Variants in EPHA6 observed in about 807,000 individuals in gnomAD.
The protein encoded by EPHA6 is ephrin type-A receptor 6.
EPHA6 carries 50 observed loss-of-function variants against 112.0 expected under a neutral mutation model. That is an observed-to-expected ratio of 0.45 (90% CI 0.36 to 0.56). The LOEUF (loss-of-function observed/expected upper bound fraction) is 0.56, where lower values mean the gene tolerates loss of function less well. Ranked by LOEUF, EPHA6 falls within the 20% of genes least tolerant of loss-of-function variation. The probability of loss-of-function intolerance (pLI) is 0.00; values close to 1 mark genes in which losing one functional copy is unlikely to be tolerated. For synonymous variants in EPHA6, 529 were observed against 490.7 expected, an observed-to-expected ratio of 1.08 and a Z score of -1.03; for missense variants, 1,280 against 1,417.4, an observed-to-expected ratio of 0.90 and a Z score of 1.56.
chr3:97,614,508 T>A (rs900458245), intron 13 of EPHA6, among the ~76,000 whole-genome samples: 10 of 144,100 alleles, frequency 6.9e-5, no homozygotes, highest in South Asian at 2.2e-4. Context: ...CTAATTTTTT[T>A]TTTTTTTTTT....
intron 3 of EPHA6, among the ~76,000 whole-genome samples, chr3:97,221,550 G>A (rs2078201237): frequency 6.6e-6 from 1 of 152,044 alleles, no homozygotes; most frequent in Non-Finnish European, 1.5e-5. Flanking sequence ...TAGTAGAGAA[G>A]GAAAGAATAT....
chr3:97,713,149 T>C (rs544435955), intron 14 of EPHA6, among the ~76,000 whole-genome samples: 1 of 152,224 alleles, frequency 6.6e-6, no homozygotes, highest in African/African-American at 2.4e-5. Context: ...GTCAAGTGTG[T>C]CTGATGAAAG....
At chr3:97,472,899 G>A (rs1177317113) in intron 7 of EPHA6, among the ~76,000 whole-genome samples, 1 of 151,720 alleles carries the variant, frequency 6.6e-6, no homozygotes, top group Non-Finnish European at 1.5e-5. Flanking sequence ...TTGGAGATCG[G>A]CAAAAAGAAG....
chr3:97,737,470 G>A (rs7621047), intron 16 of EPHA6, among the ~76,000 whole-genome samples: 149,377 of 152,148 alleles, frequency 0.98, 73,350 homozygotes, highest in East Asian at 0.99. Flanking sequence ...TAATAATAAC[G>A]TTTATTATTA....
chr3:97,140,654 C>G (rs1253505960), intron 3 of EPHA6, among the ~76,000 whole-genome samples: 1 of 152,146 alleles, frequency 6.6e-6, no homozygotes, highest in African/African-American at 2.4e-5. Context: ...CACTACTAGA[C>G]TGGCACTACA....
intron 5 of EPHA6, among the ~76,000 whole-genome samples, chr3:97,265,917 C>T (rs2108629762): frequency 6.6e-6 from 1 of 152,322 alleles, no homozygotes; most frequent in African/African-American, 2.4e-5. Flanking sequence ...TTTATAAAAG[C>T]AGGCATTGGG....
intron 6 of EPHA6, among the ~76,000 whole-genome samples, chr3:97,434,544 G>C (rs1577394470): frequency 6.6e-6 from 1 of 152,076 alleles, no homozygotes; most frequent in East Asian, 1.9e-4. Context: ...AATAGCATCA[G>C]CCAATCTAGT....
At chr3:97,321,035 G>A (rs933716910) in intron 5 of EPHA6, among the ~76,000 whole-genome samples, 4 of 151,684 alleles carry the variant, frequency 2.6e-5, no homozygotes, top group Admixed American at 6.6e-5. Context: ...ATTTTTTTCT[G>A]TCTTTATTTT....
intron 1 of EPHA6, among the ~76,000 whole-genome samples, chr3:96,860,110 A>T (rs2035925437): frequency 6.6e-6 from 1 of 152,134 alleles, no homozygotes; most frequent in African/African-American, 2.4e-5. Flanking sequence ...AGACTTAAGA[A>T]ATGTTTGTTG....
chr3:97,389,117 A>C (rs1237349644), intron 5 of EPHA6, among the ~76,000 whole-genome samples: 1 of 152,200 alleles, frequency 6.6e-6, no homozygotes, highest in Non-Finnish European at 1.5e-5. Flanking sequence ...CATACAAATT[A>C]GTATATAAAT....
rs563624763 is a variant in EPHA6, at chr3:97,299,232, T to C, written c.1606+54945T>C. ...GTGTGTAGGGGGGAGTGTGTGTGTG[T>C]GTGTGTAGTGGGGAGTGTGTGTGTG... On this transcript the variant is annotated intron_variant, in intron 5 of 17. Transcript: ENST00000389672. 2.6e-5 allele frequency among the ~76,000 whole-genome samples: 4 copies of C among 151,676 alleles called. No homozygotes were observed. The East Asian group carries it at 5.8e-4, about 22-fold the overall frequency.
At chr3:97,371,791 A>T (rs1294944414) in intron 5 of EPHA6, among the ~76,000 whole-genome samples, 1 of 152,148 alleles carries the variant, frequency 6.6e-6, no homozygotes, top group African/African-American at 2.4e-5. Context: ...GAGAAAGAGA[A>T]TGCATGCCTA....
chr3:97,202,352 CT>C (rs879296495), intron 3 of EPHA6, among the ~76,000 whole-genome samples: 9,028 of 143,288 alleles, frequency 0.063, 794 homozygotes, highest in African/African-American at 0.21. Context: ...ATATTAAAAT[CT>C]TTTTTTTTTT....
intron 14 of EPHA6, among the ~76,000 whole-genome samples, chr3:97,692,612 G>A (rs752080687): frequency 6.6e-6 from 1 of 152,096 alleles, no homozygotes; most frequent in Non-Finnish European, 1.5e-5. Context: ...GATTTACAGT[G>A]CCTTGTAAAA....
intron 5 of EPHA6, among the ~76,000 whole-genome samples, chr3:97,351,948 C>G (rs954713920): frequency 6.6e-5 from 10 of 151,900 alleles, no homozygotes; most frequent in African/African-American, 1.9e-4. Context: ...AAACATACCC[C>G]CCATTATTAC....
In EPHA6 at chr3:97,648,374, G is replaced by A. The variant is rs537976741; in HGVS notation, c.2784+10292G>A. On this transcript the variant is annotated intron_variant, in intron 14 of 17. Coordinates refer to ENST00000389672, the MANE Select transcript of EPHA6 (RefSeq NM_001080448.3). ...TTTTCTGTCGGTCTAAGAAGACATAGCCTACACCCAACTGGAGATAATTAT... is the reference window on the plus strand; with the variant it reads ...TTTTCTGTCGGTCTAAGAAGACATAACCTACACCCAACTGGAGATAATTAT... 6 of 1,538,856 alleles carry A rather than the reference G, an allele frequency of 3.9e-6. No homozygotes were observed. The East Asian group carries it at 1.4e-4, about 37-fold the overall frequency.
Position 97,479,312 on chromosome 3 carries a change from A to C in EPHA6, c.2022A>C (p.Lys674Asn). 6.2e-7 allele frequency: 1 copy of C among 1,603,022 alleles called. No homozygotes were observed. The highest frequency in any genetic ancestry group is 8.5e-7 in the Non-Finnish European group (1 of 1,176,334). Residue 674 changes from lysine (K) to asparagine (N), a missense_variant, in exon 9 of 18, where the codon AAA (lysine) becomes AAC (asparagine). Around this residue, in one of 4 missense-constraint regions of EPHA6, gnomAD observed 878 missense variants for 999.7 expected, o/e 0.88. Coordinates refer to ENST00000389672, the MANE Select transcript of EPHA6 (RefSeq NM_001080448.3). Reference sequence around the variant, plus strand: ...TTAAAAGATGTCAGTGGTACATAAAAGCCAAGATGAAGTCAGAAGAGAAGA... The same window carrying C: ...TTAAAAGATGTCAGTGGTACATAAACGCCAAGATGAAGTCAGAAGAGAAGA... ...LITGRCQWYI[K>N]AKMKSEEKRR... is the part of the protein sequence containing the mutation.
intron 5 of EPHA6, among the ~76,000 whole-genome samples, chr3:97,284,868 TA>T (rs1483712286): frequency 1.3e-5 from 2 of 152,176 alleles, no homozygotes; most frequent in Non-Finnish European, 1.5e-5. Flanking sequence ...ATCAGAATAG[TA>T]AATTATTAAA....
chr3:97,326,147 G>T lies in EPHA6; in HGVS notation c.1607-79003G>T, dbSNP rs552810699. 2.2e-3 allele frequency among the ~76,000 whole-genome samples: 328 copies of T among 151,946 alleles called. 1 individual carries two copies. The highest frequency in any genetic ancestry group is 4.3e-3 in the Non-Finnish European group (290 of 67,904). On this transcript the variant is annotated intron_variant, in intron 5 of 17. Coordinates refer to ENST00000389672, the MANE Select transcript of EPHA6 (RefSeq NM_001080448.3). ...TGAGTCACTATATTAAGAATAATTTGTGACTCTCAGGGAATTTCAGATGGC... is the reference window on the plus strand; with the variant it reads ...TGAGTCACTATATTAAGAATAATTTTTGACTCTCAGGGAATTTCAGATGGC...
Sources: gnomAD v4.1 joint callset for allele counts (sites outside exome capture counted in the v4.1 genomes callset) on GRCh38, gnomAD v4.1.1 for gene constraint, gnomAD v4.1.1 regional missense constraint, MANE v1.5 for transcripts, NCBI Gene and HGNC (gene_info 2026-07-23, HGNC 2026-07-21) for gene names.